Variants in TXNDC5 observed in about 807,000 individuals in gnomAD.
TXNDC5 encodes the protein thioredoxin domain-containing protein 5.
A neutral mutation model predicts 52.6 loss-of-function variants in TXNDC5; 44 were observed. That is an observed-to-expected ratio of 0.84 (90% CI 0.66 to 1.08). The LOEUF is 1.08. Ranked by LOEUF, TXNDC5 falls within the 50% of genes least tolerant of loss-of-function variation. The pLI, the probability that TXNDC5 is intolerant of heterozygous loss-of-function variation, is 0.00. For synonymous variants in TXNDC5, 241 were observed against 234.4 expected (o/e 1.03, Z -0.26); for missense variants, 600 against 565.5 (o/e 1.06, Z -0.62).
intron 2 of TXNDC5, among the ~76,000 whole-genome samples, chr6:7,900,565 G>A (rs902061401): frequency 6.6e-6 from 1 of 152,214 alleles, no homozygotes; most frequent in Admixed American, 6.5e-5. Flanking sequence ...TATCAGAATT[G>A]TAAGACGGCA....
chr6:7,901,590 G>A (rs540167076), intron 2 of TXNDC5, among the ~76,000 whole-genome samples: 7 of 152,304 alleles, frequency 4.6e-5, no homozygotes, highest in African/African-American at 9.6e-5. Flanking sequence ...GGGACAGAGC[G>A]GACACTTCTG....
In TXNDC5 at chr6:7,888,801, G is replaced by A. The variant is rs755962544; in HGVS notation, c.867C>T (p.Tyr289=). 23 of 1,613,974 alleles carry A rather than the reference G, an allele frequency of 1.4e-5. No homozygotes were observed. The highest frequency in any genetic ancestry group is 1.1e-4 in the African/African-American group (8 of 74,934). ...CTGTGCGCTGCAGCTGCGACTCCAC[G>A]TACTCCCTCAGTGACTCCAAATCCC... The part of the protein sequence containing the change: ...GKRDLESLRE[Y]VESQLQRTET... Residue 289 remains tyrosine (Y), a synonymous_variant, in exon 7 of 10, where the codon TAC becomes TAT. Coordinates refer to ENST00000379757, the MANE Select transcript of TXNDC5 (RefSeq NM_030810.5).
rs528820543 is a variant in TXNDC5, at chr6:7,883,515, T to C, written c.1177-249A>G. Reference sequence around the variant, plus strand: ...CAGCCTCAAAGGAACGACTTTACCCTAAAGCAGACGCTTTCAGTCTTTACT... The same window carrying C: ...CAGCCTCAAAGGAACGACTTTACCCCAAAGCAGACGCTTTCAGTCTTTACT... On this transcript the variant is annotated intron_variant, in intron 9 of 9. Coordinates refer to ENST00000379757, the MANE Select transcript of TXNDC5 (RefSeq NM_030810.5). 1.1e-4 allele frequency among the ~76,000 whole-genome samples: 17 copies of C among 152,302 alleles called. No homozygotes were observed. The East Asian group carries it at 3.1e-3, about 28-fold the overall frequency.
At chr6:7,902,715 C>T (rs554927676) in intron 2 of TXNDC5, among the ~76,000 whole-genome samples, 6 of 152,162 alleles carry the variant, frequency 3.9e-5, no homozygotes, top group African/African-American at 1.4e-4. Flanking sequence ...AGGTTCCTTC[C>T]CAAACTGTGT....
rs573864640 is a variant in TXNDC5, at chr6:7,902,127, G to A, written c.414-2446C>T. On this transcript the variant is annotated intron_variant, in intron 2 of 9. Transcript: ENST00000379757. Reference sequence around the variant, plus strand: ...CCAAAGATGACCAGGAAACCAACAGGAGCCAGGACGAGGCAAGGGAGGATT... The same window carrying A: ...CCAAAGATGACCAGGAAACCAACAGAAGCCAGGACGAGGCAAGGGAGGATT... 2.6e-5 allele frequency among the ~76,000 whole-genome samples: 4 copies of A among 152,280 alleles called. No homozygotes were observed. In the South Asian group the frequency reaches 8.3e-4, roughly 32 times the overall value.
intron 2 of TXNDC5, chr6:7,899,954 C>T (rs1178068987): frequency 3.4e-6 from 1 of 292,842 alleles, no homozygotes; most frequent in Non-Finnish European, 6.4e-6. Context: ...GCCTCAAAAG[C>T]TACAGTACTC....
At chr6:7,903,284 ATAG>A (rs56933727) in intron 2 of TXNDC5, among the ~76,000 whole-genome samples, 54,887 of 151,970 alleles carry the variant, frequency 0.36, 11,145 homozygotes, top group East Asian at 0.65. Flanking sequence ...GTAGATACAG[ATAG>A]TAAGCAATTT....
chr6:7,882,510 C>CTCT lies in TXNDC5; in HGVS notation c.*631_*633dup, dbSNP rs1163502430. 1 of 152,402 alleles carries CTCT rather than the reference C, an allele frequency of 6.6e-6. No homozygotes were observed. Among genetic ancestry groups the CTCT allele is most frequent in the African/African-American group, 2.4e-5 (1 of 41,466 alleles). 9.4% of individuals were successfully genotyped at this position (152,402 alleles called of 1,614,324 possible). A position where few individuals can be genotyped will look rare whatever the true frequency, so the allele number is the denominator to read the frequency against. ...CACATAAAGTTATGGCATCAGCATTCTCTTACTCAGGCACGGTCAGAAGTA... is the reference window on the plus strand; with the variant it reads ...CACATAAAGTTATGGCATCAGCATTCTCTTCTTACTCAGGCACGGTCAGAAGTA... On this transcript the variant is annotated 3_prime_UTR_variant, in exon 10 of 10. Coordinates refer to ENST00000379757, the MANE Select transcript of TXNDC5 (RefSeq NM_030810.5).
chr6:7,883,131 T>G lies in TXNDC5; in HGVS notation c.*13A>C. On this transcript the variant is annotated 3_prime_UTR_variant, in exon 10 of 10. Coordinates refer to ENST00000379757, the MANE Select transcript of TXNDC5 (RefSeq NM_030810.5). Reference sequence around the variant, plus strand: ...CGGGAGCTGGGCAGGAGAGGTGACCTCCAACTGTGTTCCTAAAGTTCGTCT... The same window carrying G: ...CGGGAGCTGGGCAGGAGAGGTGACCGCCAACTGTGTTCCTAAAGTTCGTCT... The G allele has an allele frequency of 6.2e-7, 1 of 1,614,032 alleles. No individual in the cohort carries two copies. The highest frequency in any genetic ancestry group is 8.5e-7 in the Non-Finnish European group (1 of 1,179,984).
intron 4 of TXNDC5, among the ~76,000 whole-genome samples, chr6:7,892,736 C>G (rs1760238050): frequency 6.6e-6 from 1 of 152,264 alleles, no homozygotes; most frequent in Non-Finnish European, 1.5e-5. Context: ...GTGACTTGCT[C>G]CTCCTTGCCT....
chr6:7,907,940 T>C (rs1257379511), intron 1 of TXNDC5, among the ~76,000 whole-genome samples: 3 of 152,114 alleles, frequency 2.0e-5, no homozygotes, highest in Admixed American at 2.0e-4. Flanking sequence ...TTAAACACCA[T>C]CATAGAAACC....
rs184059965 is a variant in TXNDC5 at position 7,901,561 on chromosome 6, G to A, written c.414-1880C>T. Among the ~76,000 whole-genome samples, 3 of 152,294 alleles carry A rather than the reference G, an allele frequency of 2.0e-5. No individual in the cohort carries two copies. In the East Asian group the frequency reaches 5.8e-4, roughly 29 times the overall value. Reference sequence around the variant, plus strand: ...CCCAGGAAGTCTGAGATTCTTCCTCGGTAAGTTCACAGAGCCCAGGGACAG... The same window carrying A: ...CCCAGGAAGTCTGAGATTCTTCCTCAGTAAGTTCACAGAGCCCAGGGACAG... On this transcript the variant is annotated intron_variant, in intron 2 of 9. Transcript: ENST00000379757.
At chr6:7,898,980 A>C (rs574316357) in intron 3 of TXNDC5, among the ~76,000 whole-genome samples, 3 of 152,202 alleles carry the variant, frequency 2.0e-5, no homozygotes, top group Admixed American at 2.0e-4. Flanking sequence ...GAGCACCGAG[A>C]AGAAAAGGAA....
rs1260830377 is a variant in TXNDC5, at chr6:7,882,111, A to AGAAG, written c.*1029_*1032dup. On this transcript the variant is annotated 3_prime_UTR_variant, in exon 10 of 10. Transcript: ENST00000379757. ...AAATGCATCCCATTCTTCATACATT[A>AGAAG]GAAGGTCGACCTCCTTGAAGCAGAC... The AGAAG allele has an allele frequency of 1.3e-5, 2 of 152,690 alleles. No homozygotes were observed. Among genetic ancestry groups the AGAAG allele is most frequent in the African/African-American group, 4.8e-5 (2 of 41,456 alleles). The allele number at this position is 152,690 out of a possible 1,614,324, so 9.5% of individuals were successfully genotyped here. A position where few individuals can be genotyped will look rare whatever the true frequency, so the allele number is the denominator to read the frequency against.
At chr6:7,894,462 T>C (rs7749719) in intron 4 of TXNDC5, among the ~76,000 whole-genome samples, 10,277 of 152,180 alleles carry the variant, frequency 0.068, 825 homozygotes, top group African/African-American at 0.19. Flanking sequence ...CATATGATTA[T>C]CATTAATACA....
In TXNDC5 at chr6:7,910,613, T is replaced by A. The variant is rs1359440935; in HGVS notation, c.164A>T (p.Glu55Val). 4 of 1,324,042 alleles carry A rather than the reference T, an allele frequency of 3.0e-6. 1 individual carries two copies. Among genetic ancestry groups the A allele is most frequent in the Non-Finnish European group, 3.9e-6 (4 of 1,015,572 alleles). The allele number at this position is 1,324,042 out of a possible 1,614,324, so 82.0% of individuals were successfully genotyped here. The change falls in exon 1 of 10, where the codon GAG becomes GTG. Residue 55 changes from glutamate (E) to valine (V), a missense_variant. By Grantham distance (121) the Glu-to-Val change is moderately radical. Coordinates refer to ENST00000379757, the MANE Select transcript of TXNDC5 (RefSeq NM_030810.5). ...AADGPPAADG[E>V]DGQDPHSKHL... ...CTTGCTGTGCGGGTCCTGTCCGTCCTCGCCGTCTGCCGCGGGGGGCCCGTC... is the reference window on the plus strand; with the variant it reads ...CTTGCTGTGCGGGTCCTGTCCGTCCACGCCGTCTGCCGCGGGGGGCCCGTC...
chr6:7,904,878 C>T (rs1395543213), intron 1 of TXNDC5, among the ~76,000 whole-genome samples, 155 bp from the exon 2 acceptor site: 23 of 152,198 alleles, frequency 1.5e-4, no homozygotes, highest in Admixed American at 1.5e-3. Context: ...GGACCTCTCT[C>T]CCCTGCTCCC....
chr6:7,908,264 A>ACTC (rs1760800287), intron 1 of TXNDC5, among the ~76,000 whole-genome samples: 1 of 144,932 alleles, frequency 6.9e-6, no homozygotes, highest in Admixed American at 7.1e-5. Flanking sequence ...GCCTGGCAAC[A>ACTC]GAGCAAGACT....
In TXNDC5 at chr6:7,895,158, C is replaced by T. The variant is rs778134856; in HGVS notation, c.564G>A (p.Lys188=). The change falls in exon 4 of 10, where the codon AAG becomes AAA. Residue 188 remains lysine, a synonymous_variant. Transcript: ENST00000379757. ...TTGCTGAGAGCTCATACAGCCCTTG[C>T]TTGAGCTCGGGGGCACTGGGCGGTT... The part of the protein sequence containing the change: ...EVEPPSAPEL[K]QGLYELSASN... The T allele has an allele frequency of 1.2e-6, 2 of 1,613,686 alleles. No individual in the cohort carries two copies. The highest frequency in any genetic ancestry group is 2.7e-5 in the African/African-American group (2 of 74,912).
Sources: gnomAD v4.1 joint callset for allele counts (sites outside exome capture counted in the v4.1 genomes callset) on GRCh38, gnomAD v4.1.1 for gene constraint, MANE v1.5 for transcripts, NCBI Gene and HGNC (gene_info 2026-07-23, HGNC 2026-07-21) for gene names.